The following CELF2 variants were observed in gnomAD, a reference collection of about 807,000 sequenced individuals.
CELF2 encodes CUG triplet repeat RNA-binding protein 2.
CELF2 carries 8 observed loss-of-function variants against 62.6 expected under a neutral mutation model. The ratio of observed to expected loss-of-function variants is 0.13; its 90% CI spans 0.07 to 0.23. CELF2 has a LOEUF of 0.23. Ranked by LOEUF, CELF2 falls within the 10% of genes least tolerant of loss-of-function variation. The pLI is 1.00. For synonymous variants in CELF2, 258 were observed against 250.0 expected (o/e 1.03, Z -0.30); for missense variants, 333 against 671.0 (o/e 0.50, Z 5.56).
At position 11,177,399 on chromosome 10, in the gene CELF2, G is replaced by T. The variant is rs1229847234; in HGVS notation, c.271+11717G>T. 1.1e-4 allele frequency among the ~76,000 whole-genome samples: 16 copies of T among 150,432 alleles called. No homozygotes were observed. The highest frequency in any genetic ancestry group is 3.9e-4 in the African/African-American group (16 of 40,822). ...TACCTTGGGTGTTTGTATTTTGTTGGCTTATGTTTGCATGTGTGAATTAAA... is the reference window on the plus strand; with the variant it reads ...TACCTTGGGTGTTTGTATTTTGTTGTCTTATGTTTGCATGTGTGAATTAAA... On this transcript the variant is annotated intron_variant, in intron 2 of 12. Coordinates refer to ENST00000633077, the MANE Select transcript of CELF2 (RefSeq NM_001326342.2). The surrounding 1 kb of genome is among the most constrained non-coding windows in gnomAD (Gnocchi z 4.8).
chr10:10,502,131 T>A, the CELF2 span, among the ~76,000 whole-genome samples: 12 of 152,244 alleles, frequency 7.9e-5, 1 homozygote, highest in South Asian at 2.5e-3. Context: ...TGATATATAA[T>A]TCTTCATATA....
chr10:10,483,968 T>C, the CELF2 span, among the ~76,000 whole-genome samples: 1 of 125,944 alleles, frequency 7.9e-6, no homozygotes, highest in Non-Finnish European at 1.7e-5. Context: ...CTCTCCCATC[T>C]CTCTCTCTGT....
At chr10:10,472,211 T>C in the CELF2 span, among the ~76,000 whole-genome samples, 1 of 151,796 alleles carries the variant, frequency 6.6e-6, no homozygotes, top group Non-Finnish European at 1.5e-5. Flanking sequence ...GGAATTGCGG[T>C]TGCATATTGG....
chr10:10,889,435 A>AT (rs2061982650), intron 1 of CELF2, among the ~76,000 whole-genome samples: 1 of 152,124 alleles, frequency 6.6e-6, no homozygotes, highest in Non-Finnish European at 1.5e-5. Flanking sequence ...TTTAAAAGAA[A>AT]TTTTTTTGCT....
the CELF2 span, among the ~76,000 whole-genome samples, chr10:10,756,659 T>C: frequency 6.6e-6 from 1 of 152,204 alleles, no homozygotes; most frequent in African/African-American, 2.4e-5. Context: ...GATATTTTTA[T>C]TGATTCCTTT....
At chr10:11,074,376 C>A (rs2209285) in intron 1 of CELF2, among the ~76,000 whole-genome samples, 1 of 152,042 alleles carries the variant, frequency 6.6e-6, no homozygotes, top group East Asian at 1.9e-4. Context: ...TAGTGACTGT[C>A]GCTTCCAGCC....
chr10:10,688,836 C>T, the CELF2 span, among the ~76,000 whole-genome samples: 2 of 140,112 alleles, frequency 1.4e-5, no homozygotes, highest in Non-Finnish European at 3.1e-5. Flanking sequence ...TCTGTGTATA[C>T]CAAAAAAAAA....
chr10:11,197,040 A>AAGGAAGGAAGGAAG (rs2057958294), intron 2 of CELF2, among the ~76,000 whole-genome samples: 1 of 28,092 alleles, frequency 3.6e-5, no homozygotes, highest in African/African-American at 2.7e-4. Context: ...AAAGAAAGAA[A>AAGGAAGGAAGGAAG]GAAAGAAAGA....
the CELF2 span, among the ~76,000 whole-genome samples, chr10:10,525,309 C>T: frequency 6.6e-6 from 1 of 152,176 alleles, no homozygotes; most frequent in African/African-American, 2.4e-5. Context: ...CCCAGAACAG[C>T]TTTGAAGGTG....
chr10:11,063,930 G>A (rs1332960930), intron 1 of CELF2, among the ~76,000 whole-genome samples: 2 of 152,168 alleles, frequency 1.3e-5, no homozygotes, highest in African/African-American at 2.4e-5. Context: ...GTTCTGCATG[G>A]ATAATCTGAT....
In CELF2 at chr10:11,217,096, C is replaced by T. The variant is rs1274921850; in HGVS notation, c.272-329C>T. ...CTGTTGTTATTGTGATTAAATGCTTCTCTTCACGTAGGTGCTATAACACAG... is the reference window on the plus strand; with the variant it reads ...CTGTTGTTATTGTGATTAAATGCTTTTCTTCACGTAGGTGCTATAACACAG... On this transcript the variant is annotated intron_variant, in intron 2 of 12. Transcript: ENST00000633077. This position sits in a 1 kb window ranked among gnomAD's most constrained non-coding sequence, Gnocchi z 5.6. 1.3e-5 allele frequency among the ~76,000 whole-genome samples: 2 copies of T among 152,212 alleles called. No individual in the cohort carries two copies. The highest frequency in any genetic ancestry group is 1.3e-4 in the Admixed American group (2 of 15,282).
chr10:11,124,889 A>G (rs1044032876), intron 1 of CELF2, among the ~76,000 whole-genome samples: 1 of 152,210 alleles, frequency 6.6e-6, no homozygotes, highest in Non-Finnish European at 1.5e-5. Context: ...ATTTTTTATA[A>G]AGCATGAGAT....
At chr10:10,522,766 C>T in the CELF2 span, among the ~76,000 whole-genome samples, 1 of 152,106 alleles carries the variant, frequency 6.6e-6, no homozygotes, top group African/African-American at 2.4e-5. Flanking sequence ...GATGGGGTTT[C>T]ATCATATTGC....
the CELF2 span, among the ~76,000 whole-genome samples, chr10:10,639,449 T>C: frequency 6.6e-6 from 1 of 152,186 alleles, no homozygotes; most frequent in Non-Finnish European, 1.5e-5. Flanking sequence ...AATTAACAAG[T>C]AAATTTTATA....
chr10:10,581,686 G>A, the CELF2 span, among the ~76,000 whole-genome samples: 1 of 152,140 alleles, frequency 6.6e-6, no homozygotes. Context: ...TAACTAATGT[G>A]ATGATTTGGT....
chr10:10,819,367 T>C (rs903150228), intron 1 of CELF2, among the ~76,000 whole-genome samples: 14 of 152,228 alleles, frequency 9.2e-5, no homozygotes, highest in Admixed American at 2.6e-4. Context: ...GAAGAGGAAG[T>C]GCTGAAATCA....
At chr10:10,762,403 A>ATGAC in the CELF2 span, among the ~76,000 whole-genome samples, 353 of 152,328 alleles carry the variant, frequency 2.3e-3, 1 homozygote, top group Admixed American at 3.2e-3. Flanking sequence ...CATTTGAGGC[A>ATGAC]TGACTTGGAG....
intron 1 of CELF2, among the ~76,000 whole-genome samples, chr10:10,855,982 G>A (rs769259812): frequency 2.0e-5 from 3 of 152,100 alleles, no homozygotes; most frequent in African/African-American, 7.2e-5. Context: ...TGGAGAAACC[G>A]GATCTAAGAT....
In CELF2 at chr10:11,224,333, G is replaced by A. The variant is rs900758458; in HGVS notation, c.354+6826G>A. Among the ~76,000 whole-genome samples the A allele has an allele frequency of 4.6e-5, 7 of 152,284 alleles. No individual in the cohort carries two copies. Among genetic ancestry groups the A allele is most frequent in the African/African-American group, 1.7e-4 (7 of 41,550 alleles). The stretch of plus-strand genomic sequence containing the variant: ...AAAGTGCCTTGTGTCATTGCTTGAG[G>A]GATACTGGTATCTCATTAGTATCTT... On this transcript the variant is annotated intron_variant, in intron 3 of 12. Coordinates refer to ENST00000633077, the MANE Select transcript of CELF2 (RefSeq NM_001326342.2). The surrounding 1 kb of genome is among the most constrained non-coding windows in gnomAD (Gnocchi z 4.5).
Sources: allele counts gnomAD v4.1 joint callset (sites outside exome capture counted in the v4.1 genomes callset), GRCh38; gene constraint gnomAD v4.1.1; non-coding constraint Gnocchi (gnomAD v3.1); transcripts MANE v1.5; gene names NCBI Gene and HGNC (gene_info 2026-07-23, HGNC 2026-07-21).